KSR2: variants seen among roughly 807,000 people sequenced by gnomAD.
KSR2 encodes the protein kinase suppressor of ras 2.
KSR2 carries 25 observed loss-of-function variants against 107.8 expected under a neutral mutation model. The ratio of observed to expected loss-of-function variants is 0.23; its 90% CI spans 0.17 to 0.32. KSR2 has a LOEUF of 0.32. Ranked by LOEUF, KSR2 falls within the 10% of genes least tolerant of loss-of-function variation. The pLI is 1.00. For missense variants in KSR2, 887 were observed against 1,268.9 expected, an observed-to-expected ratio of 0.70 and a Z score of 4.57; for synonymous variants, 480 against 507.0, an observed-to-expected ratio of 0.95 and a Z score of 0.71.
At chr12:117,634,774 T>C (rs1565936901) in intron 5 of KSR2, among the ~76,000 whole-genome samples, 1 of 152,202 alleles carries the variant, frequency 6.6e-6, no homozygotes, top group African/African-American at 2.4e-5. Context: ...GAGTAGATGA[T>C]ATTTTTCTTG....
intron 7 of KSR2, among the ~76,000 whole-genome samples, chr12:117,565,729 G>A (rs754917744): frequency 2.2e-4 from 33 of 152,276 alleles, no homozygotes; most frequent in Admixed American, 3.9e-4. Flanking sequence ...TACTCTCACT[G>A]CAGATCTAAT....
intron 3 of KSR2, among the ~76,000 whole-genome samples, chr12:117,771,494 A>C (rs1313232646): frequency 1.3e-5 from 2 of 152,204 alleles, no homozygotes; most frequent in Non-Finnish European, 2.9e-5. Context: ...ATGGGCGTGC[A>C]TCTTCAGCCT....
intron 7 of KSR2, among the ~76,000 whole-genome samples, chr12:117,572,686 CA>C (rs1226546657): frequency 6.8e-6 from 1 of 146,258 alleles, no homozygotes; most frequent in Non-Finnish European, 1.5e-5. Context: ...CTCTCTTCCA[CA>C]CTCCAGCCCA....
rs535323123 is a variant in KSR2 at position 117,851,720 on chromosome 12, G to A, written c.472+3708C>T. On this transcript the variant is annotated intron_variant, in intron 3 of 19. Transcript: ENST00000339824. ...AGCCTAGCCAACATAGGGAAACCCC[G>A]CCTCTACTAAAAATACAAAAATTAG... Among the ~76,000 whole-genome samples, 41 of 152,002 alleles carry A rather than the reference G, an allele frequency of 2.7e-4. 1 individual carries two copies. In the Middle Eastern group the frequency reaches 0.017, roughly 63 times the overall value.
intron 3 of KSR2, among the ~76,000 whole-genome samples, chr12:117,792,628 C>T (rs1262770594): frequency 6.6e-6 from 1 of 152,228 alleles, no homozygotes; most frequent in Non-Finnish European, 1.5e-5. Flanking sequence ...CTCTCCCAGC[C>T]CCGCGGCCCC....
At chr12:117,856,678 T>C (rs1893112788) in intron 2 of KSR2, among the ~76,000 whole-genome samples, 1 of 152,136 alleles carries the variant, frequency 6.6e-6, no homozygotes, top group Non-Finnish European at 1.5e-5. Flanking sequence ...GGTTTCACCA[T>C]GTTGGCCAGG....
intron 5 of KSR2, among the ~76,000 whole-genome samples, chr12:117,606,216 C>T (rs1294135141): frequency 6.6e-6 from 1 of 152,106 alleles, no homozygotes; most frequent in Non-Finnish European, 1.5e-5. Context: ...AGACAGTTTC[C>T]TTAGTGATTG....
At chr12:117,960,649 T>C (rs58978788) in intron 1 of KSR2, among the ~76,000 whole-genome samples, 4,653 of 152,246 alleles carry the variant, frequency 0.031, 260 homozygotes, top group African/African-American at 0.11. Flanking sequence ...GCTGAGTCCA[T>C]ACCTAACTGC....
chr12:117,794,273 ACACACCAACATGCACT>A, intron 3 of KSR2, among the ~76,000 whole-genome samples: 3 of 94,558 alleles, frequency 3.2e-5, no homozygotes, highest in East Asian at 5.2e-4. Context: ...CAACATGCAC[ACACACCAACATGCACT>A]CACACACCAA....
At chr12:117,606,997 T>C (rs923990941) in intron 5 of KSR2, among the ~76,000 whole-genome samples, 2 of 152,144 alleles carry the variant, frequency 1.3e-5, no homozygotes, top group African/African-American at 2.4e-5. Context: ...ACTTCTGACC[T>C]CCCTGGAGTC....
At chr12:117,646,300 T>G (rs2136421343) in intron 5 of KSR2, among the ~76,000 whole-genome samples, 1 of 152,298 alleles carries the variant, frequency 6.6e-6, no homozygotes, top group African/African-American at 2.4e-5. Flanking sequence ...TATTTGGCCC[T>G]CTGCAGAAGC....
At chr12:117,511,943 C>CT (rs112226952) in intron 14 of KSR2, among the ~76,000 whole-genome samples, 19,099 of 152,140 alleles carry the variant, frequency 0.13, 1,266 homozygotes, top group East Asian at 0.23. Context: ...GGGAAAGGAT[C>CT]TTCCAGTTCT....
At chr12:117,647,734 A>G (rs759504452) in intron 5 of KSR2, among the ~76,000 whole-genome samples, 5 of 151,852 alleles carry the variant, frequency 3.3e-5, no homozygotes, top group Non-Finnish European at 5.9e-5. Flanking sequence ...TTTTGTTCTA[A>G]TTTTTAGTGA....
At chr12:117,951,634 G>A (rs1896366859) in intron 1 of KSR2, among the ~76,000 whole-genome samples, 1 of 152,172 alleles carries the variant, frequency 6.6e-6, no homozygotes, top group Admixed American at 6.6e-5. Context: ...ACACAGAGCA[G>A]GGGGATGCTG....
chr12:117,710,827 A>G (rs1886742740), intron 4 of KSR2, among the ~76,000 whole-genome samples: 1 of 151,762 alleles, frequency 6.6e-6, no homozygotes, highest in Non-Finnish European at 1.5e-5. Context: ...ACTGTCTCAT[A>G]TTCCTCCCTC....
chr12:117,907,529 C>A lies in KSR2; in HGVS notation c.181-47098G>T, dbSNP rs12299263. On this transcript the variant is annotated intron_variant, in intron 1 of 19. Coordinates refer to ENST00000339824, the MANE Select transcript of KSR2 (RefSeq NM_173598.6). The surrounding 1 kb of genome is among the most constrained non-coding windows in gnomAD (Gnocchi z 4.3). ...TCTACGGGGCTGGATTGACGTCAGC[C>A]ACAGTGGAAACTGCTCTCCTGCCCT... Among the ~76,000 whole-genome samples, 1 of 152,030 alleles carries A rather than the reference C, an allele frequency of 6.6e-6. No individual in the cohort carries two copies. Among genetic ancestry groups the A allele is most frequent in the Non-Finnish European group, 1.5e-5 (1 of 68,014 alleles).
At chr12:117,726,925 T>C (rs942006216) in intron 4 of KSR2, among the ~76,000 whole-genome samples, 6 of 152,288 alleles carry the variant, frequency 3.9e-5, no homozygotes, top group Middle Eastern at 3.4e-3. Flanking sequence ...TCCAGATGTA[T>C]AGTGGGTTGA....
At chr12:117,467,742 A>C (rs923404332) in intron 19 of KSR2, 8 of 413,518 alleles carry the variant, frequency 1.9e-5, no homozygotes, top group African/African-American at 1.7e-4. Context: ...ACTGCAGCAA[A>C]AGGAACTCAT....
intron 5 of KSR2, among the ~76,000 whole-genome samples, chr12:117,618,308 A>G (rs1211286463): frequency 2.0e-5 from 3 of 151,914 alleles, no homozygotes; most frequent in Admixed American, 6.6e-5. Context: ...GGACACATTG[A>G]TATTTACCAA....
Sources: allele counts gnomAD v4.1 joint callset (sites outside exome capture counted in the v4.1 genomes callset), GRCh38; gene constraint gnomAD v4.1.1; non-coding constraint Gnocchi (gnomAD v3.1); transcripts MANE v1.5; gene names NCBI Gene and HGNC (gene_info 2026-07-23, HGNC 2026-07-21).